Variants in SDCCAG8 observed in about 807,000 individuals in gnomAD.
The protein encoded by SDCCAG8 is SHH signaling and ciliogenesis regulator SDCCAG8.
A neutral mutation model predicts 101.8 loss-of-function variants in SDCCAG8; 74 were observed. The ratio of observed to expected loss-of-function variants is 0.73; its 90% CI spans 0.60 to 0.88. The LOEUF (loss-of-function observed/expected upper bound fraction) is 0.88. SDCCAG8 is among the 40% of genes least tolerant of loss of function. The pLI, the probability that SDCCAG8 is intolerant of heterozygous loss-of-function variation, is 0.00. For synonymous variants in SDCCAG8, 281 were observed against 292.9 expected, an observed-to-expected ratio of 0.96 and a Z score of 0.41; for missense variants, 787 against 822.6, an observed-to-expected ratio of 0.96 and a Z score of 0.53.
intron 15 of SDCCAG8, among the ~76,000 whole-genome samples, chr1:243,418,317 T>A (rs1363612975): frequency 6.6e-6 from 1 of 152,162 alleles, no homozygotes; most frequent in African/African-American, 2.4e-5. Flanking sequence ...AATTGAAAAC[T>A]GTGAAATTTC....
chr1:243,447,803 A>T (rs1438255221), intron 16 of SDCCAG8, among the ~76,000 whole-genome samples: 1 of 152,252 alleles, frequency 6.6e-6, no homozygotes, highest in Non-Finnish European at 1.5e-5. Context: ...ATAAATAAAA[A>T]TATTTGTAAA....
chr1:243,433,915 T>C (rs1424670201), intron 16 of SDCCAG8, among the ~76,000 whole-genome samples: 1 of 152,230 alleles, frequency 6.6e-6, no homozygotes, highest in African/African-American at 2.4e-5. Context: ...TAATGCAATA[T>C]TCTACTGGCC....
chr1:243,356,419 G>GC (rs2076383623), intron 12 of SDCCAG8, among the ~76,000 whole-genome samples: 1 of 98,264 alleles, frequency 1.0e-5, no homozygotes, highest in Non-Finnish European at 2.3e-5. Flanking sequence ...AAAAGTAGTG[G>GC]CGGGGGGGTG....
At chr1:243,291,809 G>A (rs568473251) in intron 5 of SDCCAG8, among the ~76,000 whole-genome samples, 188 of 152,198 alleles carry the variant, frequency 1.2e-3, no homozygotes, top group African/African-American at 4.4e-3. Context: ...CACAGGTTAA[G>A]GGCTCAGTAC....
At chr1:243,372,690 G>GT (rs961398861) in intron 12 of SDCCAG8, among the ~76,000 whole-genome samples, 12 of 150,198 alleles carry the variant, frequency 8.0e-5, no homozygotes, top group Admixed American at 2.0e-4. Flanking sequence ...AGCAAGAAAT[G>GT]TTTTTTTTTA....
chr1:243,386,949 CCTTA>C (rs984202813), intron 13 of SDCCAG8, among the ~76,000 whole-genome samples: 14 of 152,196 alleles, frequency 9.2e-5, no homozygotes, highest in African/African-American at 3.4e-4. Context: ...TACTTTACTC[CCTTA>C]CTTAATTTTC....
At chr1:243,277,594 C>T (rs1319619321) in intron 4 of SDCCAG8, among the ~76,000 whole-genome samples, 2 of 152,158 alleles carry the variant, frequency 1.3e-5, no homozygotes, top group African/African-American at 4.8e-5. Flanking sequence ...CAGTCTTTGA[C>T]TTGGCATTTA....
At chr1:243,471,759 T>G (rs1278623231) in intron 16 of SDCCAG8, among the ~76,000 whole-genome samples, 5 of 152,182 alleles carry the variant, frequency 3.3e-5, no homozygotes, top group Non-Finnish European at 7.3e-5. Flanking sequence ...AGCATCACTA[T>G]TTTGGACCTC....
chr1:243,293,454 C>A, intron 6 of SDCCAG8: 2 of 637,372 alleles, frequency 3.1e-6, no homozygotes, highest in South Asian at 1.5e-5. Flanking sequence ...TATCTCCATT[C>A]CCCTCCCTGC....
At chr1:243,435,934 A>C (rs2082099479) in intron 16 of SDCCAG8, among the ~76,000 whole-genome samples, 1 of 152,132 alleles carries the variant, frequency 6.6e-6, no homozygotes, top group Non-Finnish European at 1.5e-5. Context: ...GGAAGGTACA[A>C]AGATTTCCCA....
chr1:243,341,115 T>C lies in SDCCAG8; in HGVS notation c.1298T>C (p.Ile433Thr). 6.2e-7 allele frequency: 1 copy of C among 1,614,080 alleles called. No individual in the cohort carries two copies. Among genetic ancestry groups the C allele is most frequent in the African/African-American group, 1.3e-5 (1 of 75,052 alleles). ...GTTACAAAGGAAAAGATTTCAGCTATTAATCAACTGGAGGAAATTCAAAGC... is the reference window on the plus strand; with the variant it reads ...GTTACAAAGGAAAAGATTTCAGCTACTAATCAACTGGAGGAAATTCAAAGC... ...EKVTKEKISAINQLEEIQSQL... is the reference protein window; with the variant it reads ...EKVTKEKISATNQLEEIQSQL... The change falls in exon 11 of 18, where the codon ATT becomes ACT. Residue 433 changes from isoleucine (I) to threonine (T), a missense_variant. Physicochemically the swap from Ile to Thr is moderately conservative, Grantham distance 89. Transcript: ENST00000366541.
At chr1:243,289,012 A>G (rs940905680) in intron 5 of SDCCAG8, among the ~76,000 whole-genome samples, 2 of 152,004 alleles carry the variant, frequency 1.3e-5, no homozygotes, top group African/African-American at 4.8e-5. Context: ...ATCTCAAAAA[A>G]AAAAAAAAAA....
At chr1:243,420,838 C>T (rs1052515457) in intron 15 of SDCCAG8, among the ~76,000 whole-genome samples, 3 of 152,136 alleles carry the variant, frequency 2.0e-5, no homozygotes, top group African/African-American at 7.2e-5. Context: ...TTAAGTTTTA[C>T]ATTCCATTTT....
chr1:243,259,612 G>A (rs888757393), intron 1 of SDCCAG8, among the ~76,000 whole-genome samples: 1 of 151,924 alleles, frequency 6.6e-6, no homozygotes, highest in Non-Finnish European at 1.5e-5. Context: ...CTGACGTCTG[G>A]AGTTCGAGAA....
At chr1:243,321,863 G>A (rs6671845) in intron 9 of SDCCAG8, among the ~76,000 whole-genome samples, 6,479 of 152,266 alleles carry the variant, frequency 0.043, 261 homozygotes, top group African/African-American at 0.11. Context: ...TGGCCAGGCT[G>A]GTATTGAACT....
rs567694643 is a variant in SDCCAG8 at position 243,495,723 on chromosome 1, C to T, written c.2113-4033C>T. On this transcript the variant is annotated intron_variant, in intron 17 of 17. Transcript: ENST00000366541. ...GGTGGGCGGTCCTGCTCGAAGGCCGCGTTTCCCCGACGTTCTGCCCAGCAT... is the reference window on the plus strand; with the variant it reads ...GGTGGGCGGTCCTGCTCGAAGGCCGTGTTTCCCCGACGTTCTGCCCAGCAT... Among the ~76,000 whole-genome samples, 14 of 152,302 alleles carry T rather than the reference C, an allele frequency of 9.2e-5. No homozygotes were observed. The South Asian group carries it at 2.7e-3, about 29-fold the overall frequency.
Position 243,268,077 on chromosome 1 carries a change from G to A in SDCCAG8, c.68-2028G>A, listed in dbSNP as rs181395288. 3.8e-4 allele frequency: 284 copies of A among 747,028 alleles called. 2 individuals carry two copies. In the African/African-American group the frequency reaches 4.3e-3, roughly 11 times the overall value. 46.3% of individuals were successfully genotyped at this position (747,028 alleles called of 1,614,324 possible). ...CTCTGATCTCTGAGACTAAGCGTTTGCTTCATGGTTGTATAGTTCCTCATT... is the reference window on the plus strand; with the variant it reads ...CTCTGATCTCTGAGACTAAGCGTTTACTTCATGGTTGTATAGTTCCTCATT... On this transcript the variant is annotated intron_variant, in intron 1 of 17. Coordinates refer to ENST00000366541, the MANE Select transcript of SDCCAG8 (RefSeq NM_006642.5).
chr1:243,374,883 TA>T (rs556677690), intron 12 of SDCCAG8, among the ~76,000 whole-genome samples: 5 of 152,086 alleles, frequency 3.3e-5, no homozygotes, highest in South Asian at 2.1e-4. Context: ...TATGTTCATT[TA>T]AAAAAAATTA....
intron 13 of SDCCAG8, among the ~76,000 whole-genome samples, chr1:243,383,024 G>A (rs569688160): frequency 6.6e-5 from 10 of 152,214 alleles, no homozygotes; most frequent in Non-Finnish European, 1.5e-4. Flanking sequence ...AGAAGGTCAT[G>A]ACTAGAGGCT....
Sources: gnomAD v4.1 joint callset for allele counts (sites outside exome capture counted in the v4.1 genomes callset) on GRCh38, gnomAD v4.1.1 for gene constraint, MANE v1.5 for transcripts, NCBI Gene and HGNC (gene_info 2026-07-23, HGNC 2026-07-21) for gene names.